The following ITGAD variants were observed in gnomAD, a reference collection of about 807,000 sequenced individuals.
The protein encoded by ITGAD is integrin subunit alpha D.
In ITGAD, 105 loss-of-function variants were observed where a neutral mutation model predicts 139.0. That is an observed-to-expected ratio of 0.76 (90% CI 0.65 to 0.89). The LOEUF is 0.89. Among genes scored for constraint, ITGAD ranks in the 40% least tolerant of loss-of-function variants. ITGAD has a pLI of 0.00. For synonymous variants in ITGAD, 569 were observed against 598.3 expected (o/e 0.95, Z 0.71); for missense variants, 1,384 against 1,487.3 (o/e 0.93, Z 1.14).
At chr16:31,410,579 G>A in intron 11 of ITGAD, 55 bp downstream of exon 11, 1 of 1,599,964 alleles carries the variant, frequency 6.3e-7, no homozygotes, top group Non-Finnish European at 8.5e-7. Flanking sequence ...CCAGGGTGGG[G>A]TCCAGGGTTC....
At chr16:31,418,685 T>G in intron 23 of ITGAD, 121 bp downstream of exon 23, 1 of 789,216 alleles carries the variant, frequency 1.3e-6, no homozygotes, top group East Asian at 2.5e-5. Flanking sequence ...TGGGATGCCT[T>G]TGTGGGTGAA....
intron 28 of ITGAD, 58 bp from the exon 29 acceptor site, chr16:31,424,409 G>C: frequency 6.9e-7 from 1 of 1,449,816 alleles, no homozygotes; most frequent in East Asian, 2.3e-5. Flanking sequence ...AAAGGTTGCG[G>C]AACCTGGGAG....
Position 31,416,305 on chromosome 16 carries a change from C to A in ITGAD, c.2357+19C>A. The A allele has an allele frequency of 6.3e-7, 1 of 1,585,096 alleles. No homozygotes were observed. ...TCTCAGGGTGAGCTGTAACTCCCTT[C>A]ATATCCAGACACTCAGGCTTCTGAG... On this transcript the variant is annotated intron_variant, in intron 19 of 29. Transcript: ENST00000389202.
chr16:31,412,312 C>T (rs143038457), intron 14 of ITGAD, among the ~76,000 whole-genome samples: 2 of 152,180 alleles, frequency 1.3e-5, no homozygotes, highest in East Asian at 1.9e-4. Context: ...CCAAAGTGCT[C>T]GGATTACAAG....
At position 31,402,260 on chromosome 16, in the gene ITGAD, C is replaced by T. The variant is rs779138010; in HGVS notation, c.558+15C>T. On this transcript the variant is annotated intron_variant, in intron 6 of 29. Coordinates refer to ENST00000389202, the MANE Select transcript of ITGAD (RefSeq NM_005353.3). ...CTGACACCCTGGTGAAGACTGGGCA[C>T]CTGGGGCTGGGGTTTGGGGGACGGG... is the stretch of plus-strand genomic sequence containing the variant. The T allele has an allele frequency of 3.9e-6, 5 of 1,286,650 alleles. No individual in the cohort carries two copies. The highest frequency in any genetic ancestry group is 1.2e-5 in the South Asian group (1 of 81,028). The allele number at this position is 1,286,650 out of a possible 1,614,324, so 79.7% of individuals were successfully genotyped here. A position where few individuals can be genotyped will look rare whatever the true frequency, so the allele number is the denominator to read the frequency against.
chr16:31,402,115 A>T lies in ITGAD; in HGVS notation c.428A>T (p.Glu143Val), dbSNP rs1415861187. 2 of 1,613,606 alleles carry T rather than the reference A, an allele frequency of 1.2e-6. No individual in the cohort carries two copies. Among genetic ancestry groups the T allele is most frequent in the Admixed American group, 3.3e-5 (2 of 60,022 alleles). ...CCGATTCCTCCCCATTCCCCCACAGAGTGTCCACATCAAGAGATGGACATC... is the reference window on the plus strand; with the variant it reads ...CCGATTCCTCCCCATTCCCCCACAGTGTGTCCACATCAAGAGATGGACATC... The part of the protein sequence containing the change: ...IIQTVPDATP[E>V]CPHQEMDIVF... Residue 143 changes from glutamate (E) to valine (V), a missense_variant and splice_region_variant, in exon 6 of 30, where the codon GAG (glutamate) becomes GTG (valine). Glu to Val is a moderately radical substitution (Grantham distance 121). Transcript: ENST00000389202.
intron 29 of ITGAD, among the ~76,000 whole-genome samples, chr16:31,425,510 G>A (rs1199481466): frequency 1.3e-5 from 2 of 152,168 alleles, no homozygotes; most frequent in Admixed American, 6.5e-5. Context: ...TACTGTGCTC[G>A]GGGCCAGCAG....
chr16:31,421,147 C>A (rs911126310), intron 23 of ITGAD, among the ~76,000 whole-genome samples: 3 of 152,122 alleles, frequency 2.0e-5, no homozygotes, highest in African/African-American at 7.2e-5. Context: ...TTTTCACCAA[C>A]AAAGACATCA....
At chr16:31,417,752 C>T (rs2081925763) in intron 20 of ITGAD, among the ~76,000 whole-genome samples, 1 of 152,004 alleles carries the variant, frequency 6.6e-6, no homozygotes, top group South Asian at 2.1e-4. Context: ...TGAGACTGGC[C>T]TGGCCAACAT....
intron 23 of ITGAD, among the ~76,000 whole-genome samples, chr16:31,420,432 C>G (rs2081986069): frequency 6.6e-6 from 1 of 151,888 alleles, no homozygotes; most frequent in African/African-American, 2.4e-5. Context: ...GAATCTCACT[C>G]TTTCACCCAG....
Position 31,411,190 on chromosome 16 carries a change from G to A in ITGAD, c.1471G>A (p.Val491Met). The change falls in exon 13 of 30, where the codon GTG (valine) becomes ATG (methionine). Residue 491 changes from valine (V) to methionine (M), a missense_variant. Transcript: ENST00000389202. ...CTATGAGCAGACCCGAGGGGGCCAGGTGTCCGTGTGTCCCTTGCCTAGGGG... is the reference window on the plus strand; with the variant it reads ...CTATGAGCAGACCCGAGGGGGCCAGATGTCCGTGTGTCCCTTGCCTAGGGG... Reference protein sequence around the residue: ...HYYEQTRGGQVSVCPLPRGRV... With the variant: ...HYYEQTRGGQMSVCPLPRGRV... 2 of 1,613,864 alleles carry A rather than the reference G, an allele frequency of 1.2e-6. No individual in the cohort carries two copies. The highest frequency in any genetic ancestry group is 1.7e-6 in the Non-Finnish European group (2 of 1,179,890).
intron 23 of ITGAD, among the ~76,000 whole-genome samples, chr16:31,422,106 T>TA (rs2082019031): frequency 9.3e-6 from 1 of 107,118 alleles, no homozygotes; most frequent in Admixed American, 8.1e-5. Flanking sequence ...AATGTTTGTA[T>TA]TTTTTTTTTT....
intron 23 of ITGAD, 75 bp downstream of exon 23, chr16:31,418,639 G>T: frequency 8.9e-7 from 1 of 1,117,448 alleles, no homozygotes; most frequent in South Asian, 1.2e-5. Context: ...GTCCCAGCCT[G>T]CTCTTCCAAT....
Position 31,412,870 on chromosome 16 carries a change from G to A in ITGAD, c.1740G>A (p.Leu580=). The change falls in exon 15 of 30, where the codon CTG becomes CTA. Residue 580 remains leucine, a synonymous_variant. Transcript: ENST00000389202. ...RIASSQLSPR[L]QYFGQALSGG... ...CCAGCTCCCAGCTCTCCCCCAGGCT[G>A]CAGTATTTTGGGCAGGCGCTGAGTG... is the stretch of plus-strand genomic sequence containing the variant. 1 of 1,614,060 alleles carries A rather than the reference G, an allele frequency of 6.2e-7. No homozygotes were observed. Among genetic ancestry groups the A allele is most frequent in the Non-Finnish European group, 8.5e-7 (1 of 1,179,996 alleles).
At chr16:31,417,648 GA>G (rs1390722964) in intron 20 of ITGAD, among the ~76,000 whole-genome samples, 2 of 152,032 alleles carry the variant, frequency 1.3e-5, no homozygotes, top group Non-Finnish European at 2.9e-5. Flanking sequence ...GAAATTGATT[GA>G]AAAGTCTGTC....
chr16:31,412,289 T>C (rs149049839), intron 14 of ITGAD, among the ~76,000 whole-genome samples: 1,857 of 152,194 alleles, frequency 0.012, 23 homozygotes, highest in Middle Eastern at 0.027. Context: ...GGTGATCTGC[T>C]TGTCTCAGCC....
chr16:31,416,170 A>G, intron 18 of ITGAD, 43 bp from the exon 19 acceptor site: 2 of 1,492,558 alleles, frequency 1.3e-6, no homozygotes, highest in Non-Finnish European at 1.8e-6. Context: ...TTGGAGAAAG[A>G]CTAAGATGTC....
chr16:31,394,366 C>T, intron 2 of ITGAD, 25 bp downstream of exon 2: 3 of 1,543,526 alleles, frequency 1.9e-6, no homozygotes, highest in Non-Finnish European at 2.7e-6. Context: ...CCCTCCTTCC[C>T]CAACCTCCAC....
At chr16:31,395,698 T>C (rs2081248972) in intron 2 of ITGAD, among the ~76,000 whole-genome samples, 1 of 151,948 alleles carries the variant, frequency 6.6e-6, no homozygotes. Context: ...CATTCTCCTG[T>C]CCCAGAGAGT....
Sources: allele counts gnomAD v4.1 joint callset (sites outside exome capture counted in the v4.1 genomes callset), GRCh38; gene constraint gnomAD v4.1.1; transcripts MANE v1.5; gene names NCBI Gene and HGNC (gene_info 2026-07-23, HGNC 2026-07-21).